The following OXR1 variants were observed in gnomAD, a reference collection of about 807,000 sequenced individuals.
The protein encoded by OXR1 is oxidation resistance 1, also known as oxidation resistance protein 1.
Under a neutral mutation model 104.6 loss-of-function variants are expected in OXR1, and 41 were observed. The observed-to-expected ratio is 0.39, with a 90% CI of 0.31 to 0.51. The LOEUF is 0.51. Ranked by LOEUF, OXR1 falls within the 20% of genes least tolerant of loss-of-function variation. OXR1 has a pLI of 0.77. For missense variants in OXR1, 955 were observed against 1,031.9 expected (o/e 0.93, Z 1.02); for synonymous variants, 348 against 348.4 (o/e 1.00, Z 0.01).
At chr8:106,391,204 G>T (rs1214527076) in intron 2 of OXR1, among the ~76,000 whole-genome samples, 1 of 152,152 alleles carries the variant, frequency 6.6e-6, no homozygotes, top group Non-Finnish European at 1.5e-5. Flanking sequence ...GGATTCATTA[G>T]GTTATCTGTC....
At chr8:106,463,315 T>C (rs1448484226) in intron 2 of OXR1, among the ~76,000 whole-genome samples, 2 of 152,132 alleles carry the variant, frequency 1.3e-5, no homozygotes, top group African/African-American at 4.8e-5. Flanking sequence ...CCATTTTCAA[T>C]GTAATGCATA....
At chr8:106,271,077 G>C (rs1473589757) in intron 1 of OXR1, among the ~76,000 whole-genome samples, 1 of 152,126 alleles carries the variant, frequency 6.6e-6, no homozygotes, top group East Asian at 1.9e-4. Context: ...GAAAATCGCT[G>C]AGGGATTTGG....
intron 3 of OXR1, among the ~76,000 whole-genome samples, chr8:106,576,466 CAAAAAAA>C (rs55917847): frequency 8.9e-6 from 1 of 112,462 alleles, no homozygotes; most frequent in Admixed American, 9.3e-5. Flanking sequence ...CACAGTTATT[CAAAAAAA>C]AAAAAAAAAA....
At chr8:106,453,038 G>C (rs1388659042) in intron 2 of OXR1, among the ~76,000 whole-genome samples, 1 of 152,074 alleles carries the variant, frequency 6.6e-6, no homozygotes, top group Non-Finnish European at 1.5e-5. Context: ...TTTTGCACAA[G>C]CTTACCTCTG....
chr8:106,305,512 C>A (rs1813430681), intron 1 of OXR1, among the ~76,000 whole-genome samples: 1 of 152,090 alleles, frequency 6.6e-6, no homozygotes. Context: ...TAAAAATGAT[C>A]TTTGATCTAT....
At chr8:106,568,045 A>G (rs1259936675) in intron 3 of OXR1, among the ~76,000 whole-genome samples, 4 of 152,186 alleles carry the variant, frequency 2.6e-5, no homozygotes, top group African/African-American at 9.6e-5. Flanking sequence ...AAATGAGGAA[A>G]TGGAAACACA....
At chr8:106,724,331 A>T (rs1258719714) in intron 11 of OXR1, among the ~76,000 whole-genome samples, 1 of 152,202 alleles carries the variant, frequency 6.6e-6, no homozygotes, top group Non-Finnish European at 1.5e-5. Context: ...TCTGCTTCAA[A>T]TTCTTGGATA....
intron 1 of OXR1, among the ~76,000 whole-genome samples, chr8:106,300,706 GA>G (rs1263172937): frequency 6.6e-6 from 1 of 152,096 alleles, no homozygotes; most frequent in Non-Finnish European, 1.5e-5. Context: ...AACCTGCTAG[GA>G]AAACCATCAT....
At chr8:106,637,761 CTT>C (rs71307078) in intron 3 of OXR1, among the ~76,000 whole-genome samples, 48 of 128,340 alleles carry the variant, frequency 3.7e-4, no homozygotes, top group African/African-American at 7.0e-4. Context: ...ATAGTTTCGA[CTT>C]TTTTTTTTTT....
At chr8:106,564,374 G>C (rs2130515307) in intron 3 of OXR1, among the ~76,000 whole-genome samples, 1 of 152,068 alleles carries the variant, frequency 6.6e-6, no homozygotes, top group South Asian at 2.1e-4. Context: ...AAATAAACTA[G>C]AAAATCTAGA....
chr8:106,467,420 T>A (rs1821231880), intron 2 of OXR1, among the ~76,000 whole-genome samples: 1 of 151,886 alleles, frequency 6.6e-6, no homozygotes, highest in East Asian at 1.9e-4. Flanking sequence ...CAAGTTAGCC[T>A]GTCACTGCTT....
In OXR1 at chr8:106,612,234, A is replaced by C. The variant is rs1291608335; in HGVS notation, c.221-66976A>C. On this transcript the variant is annotated intron_variant, in intron 3 of 16. Transcript: ENST00000517566. ...ATTTGTGTGAAAGAAATGTAAATAC[A>C]TATATAAGATAGAAAGGAAACTGGA... Among the ~76,000 whole-genome samples the C allele has an allele frequency of 2.0e-5, 3 of 152,282 alleles. No individual in the cohort carries two copies. In the East Asian group the frequency reaches 5.8e-4, roughly 29 times the overall value.
chr8:106,692,050 T>A (rs1441439970), intron 6 of OXR1, among the ~76,000 whole-genome samples: 2 of 151,842 alleles, frequency 1.3e-5, no homozygotes, highest in African/African-American at 4.8e-5. Flanking sequence ...TAGTTTGTTT[T>A]TAAAAAATGT....
At chr8:106,696,553 A>G (rs1015972445) in intron 7 of OXR1, among the ~76,000 whole-genome samples, 2 of 152,148 alleles carry the variant, frequency 1.3e-5, no homozygotes, top group Admixed American at 6.5e-5. Flanking sequence ...ACTCTCCTCC[A>G]AAGGACCTGT....
intron 3 of OXR1, among the ~76,000 whole-genome samples, chr8:106,611,489 G>A (rs1820806118): frequency 6.6e-6 from 1 of 152,200 alleles, no homozygotes; most frequent in Non-Finnish European, 1.5e-5. Context: ...TTGTATGGAG[G>A]TCAAGGGTGA....
chr8:106,408,455 G>A (rs1250995243), intron 2 of OXR1, among the ~76,000 whole-genome samples: 1 of 152,016 alleles, frequency 6.6e-6, no homozygotes, highest in East Asian at 1.9e-4. Flanking sequence ...ACTTTGTAAG[G>A]ATTTAGATGC....
At chr8:106,283,595 G>C (rs894090144) in intron 1 of OXR1, among the ~76,000 whole-genome samples, 2 of 152,138 alleles carry the variant, frequency 1.3e-5, no homozygotes, top group South Asian at 4.2e-4. Context: ...TCATTTGAGT[G>C]ACTTAAATAT....
chr8:106,556,251 A>T (rs1479628729), intron 3 of OXR1, among the ~76,000 whole-genome samples: 1 of 152,038 alleles, frequency 6.6e-6, no homozygotes, highest in Non-Finnish European at 1.5e-5. Context: ...TTACAAATGC[A>T]CTAAATTCCA....
chr8:106,521,091 T>G (rs1235564280), intron 3 of OXR1, among the ~76,000 whole-genome samples: 1 of 152,218 alleles, frequency 6.6e-6, no homozygotes, highest in African/African-American at 2.4e-5. Flanking sequence ...CTGTTAAATA[T>G]ACTCTATCTA....
Sources: gnomAD v4.1 joint callset for allele counts (sites outside exome capture counted in the v4.1 genomes callset) on GRCh38, gnomAD v4.1.1 for gene constraint, MANE v1.5 for transcripts, NCBI Gene and HGNC (gene_info 2026-07-23, HGNC 2026-07-21) for gene names.